The following GGA2 variants were observed in gnomAD, a reference collection of about 807,000 sequenced individuals.
GGA2 encodes the protein ADP-ribosylation factor-binding protein GGA2.
In GGA2, 48 loss-of-function variants were observed where a neutral mutation model predicts 79.5. The ratio of observed to expected loss-of-function variants is 0.60; its 90% confidence interval spans 0.48 to 0.77. The LOEUF (loss-of-function observed/expected upper bound fraction) is 0.77. Ranked by LOEUF, GGA2 falls within the 30% of genes least tolerant of loss-of-function variation. The probability of loss-of-function intolerance (pLI) is 0.00; values close to 1 mark genes in which losing one functional copy is unlikely to be tolerated. For missense variants in GGA2, 770 were observed against 774.0 expected, an observed-to-expected ratio of 0.99 and a Z score of 0.06; for synonymous variants, 317 against 302.0, an observed-to-expected ratio of 1.05 and a Z score of -0.51.
In GGA2 at chr16:23,479,891, G is replaced by T. The variant is rs1168532535; in HGVS notation, c.1007-4C>A. The stretch of plus-strand genomic sequence containing the variant: ...CAGCCTGCTGGATTCTGAAAGACTA[G>T]AAAGCCCAGGGTTAGGAAGAGAAGT... On this transcript the variant is annotated splice_region_variant and splice_polypyrimidine_tract_variant and intron_variant, in intron 10 of 16. Coordinates refer to ENST00000309859, the MANE Select transcript of GGA2 (RefSeq NM_015044.4). 6.2e-7 allele frequency: 1 copy of T among 1,613,958 alleles called. No homozygotes were observed.
At chr16:23,492,328 C>T (rs1284109153) in intron 4 of GGA2, among the ~76,000 whole-genome samples, 1 of 152,194 alleles carries the variant, frequency 6.6e-6, no homozygotes, top group Non-Finnish European at 1.5e-5. Flanking sequence ...GGTGCCCCCA[C>T]ATCCCCCCAC....
chr16:23,495,873 A>G lies in GGA2; in HGVS notation c.92-95T>C, dbSNP rs754130243. On this transcript the variant is annotated intron_variant, in intron 1 of 16. Transcript: ENST00000309859. ...GTGGCCAAGAGCTGTCTTATCACAGATCTACAGGATCAGACCAGTGGGCAG... is the reference window on the plus strand; with the variant it reads ...GTGGCCAAGAGCTGTCTTATCACAGGTCTACAGGATCAGACCAGTGGGCAG... 17 of 714,320 alleles carry G rather than the reference A, an allele frequency of 2.4e-5. No homozygotes were observed. In the Admixed American group the frequency reaches 2.7e-4, roughly 11 times the overall value. 44.2% of individuals were successfully genotyped at this position (714,320 alleles called of 1,614,324 possible). A position where few individuals can be genotyped will look rare whatever the true frequency, so the allele number is the denominator to read the frequency against.
At chr16:23,491,530 TAAAAA>T in intron 5 of GGA2, 142 bp downstream of exon 5, 36 of 299,110 alleles carry the variant, frequency 1.2e-4, no homozygotes, top group Non-Finnish European at 1.5e-4. Flanking sequence ...ATTTATTGCG[TAAAAA>T]AAAAAAAAAA....
chr16:23,489,779 G>A (rs1430720540), intron 5 of GGA2, among the ~76,000 whole-genome samples: 1 of 152,304 alleles, frequency 6.6e-6, no homozygotes, highest in East Asian at 1.9e-4. Flanking sequence ...CGAAAACAGC[G>A]GGAAGGCCTG....
upstream of GGA2, chr16:23,510,560 C>CCG (rs397727429): frequency 2.6e-6 from 1 of 389,394 alleles, no homozygotes; most frequent in Admixed American, 4.5e-5. Flanking sequence ...CAGGCCCCCC[C>CCG]TCCACGCGGG....
At chr16:23,481,080 C>T (rs1301704694) in intron 9 of GGA2, among the ~76,000 whole-genome samples, 1 of 152,214 alleles carries the variant, frequency 6.6e-6, no homozygotes, top group Non-Finnish European at 1.5e-5. Context: ...AACTTTAACT[C>T]AGAATCTGAA....
chr16:23,512,557 G>T (rs931439794), upstream of GGA2, among the ~76,000 whole-genome samples: 2 of 42,750 alleles, frequency 4.7e-5, no homozygotes, highest in African/African-American at 1.0e-4. Context: ...TACTGTTCTG[G>T]GAACACACAG....
At chr16:23,499,492 C>T (rs941512241) in intron 1 of GGA2, among the ~76,000 whole-genome samples, 3 of 152,106 alleles carry the variant, frequency 2.0e-5, no homozygotes, top group African/African-American at 4.8e-5. Context: ...GGTTAAATTA[C>T]GTTCCAAACC....
chr16:23,499,033 C>T (rs1457104518), intron 1 of GGA2, among the ~76,000 whole-genome samples: 5 of 152,104 alleles, frequency 3.3e-5, no homozygotes, highest in African/African-American at 1.2e-4. Context: ...AGGGAGAGAA[C>T]AGGAGAGGCA....
intron 9 of GGA2, among the ~76,000 whole-genome samples, chr16:23,481,342 C>T (rs1294552233): frequency 1.3e-5 from 2 of 152,130 alleles, no homozygotes; most frequent in Non-Finnish European, 2.9e-5. Flanking sequence ...CATTGCACTC[C>T]AGCCGGGGCA....
chr16:23,487,108 A>C (rs968128702), intron 6 of GGA2, among the ~76,000 whole-genome samples: 2 of 150,788 alleles, frequency 1.3e-5, no homozygotes, highest in Non-Finnish European at 2.9e-5. Flanking sequence ...CAGCCTCCCA[A>C]GTAGCTGGGA....
At chr16:23,513,455 C>T (rs1965085485), upstream of GGA2, among the ~76,000 whole-genome samples, 1 of 152,048 alleles carries the variant, frequency 6.6e-6, no homozygotes, top group African/African-American at 2.4e-5. Flanking sequence ...CATATTACTC[C>T]AGCCTTCCTT....
chr16:23,476,757 T>C (rs1210867949), intron 13 of GGA2, among the ~76,000 whole-genome samples: 1 of 152,186 alleles, frequency 6.6e-6, no homozygotes, highest in African/African-American at 2.4e-5. Context: ...TTGCACTTTG[T>C]TGTATGTTTC....
rs373473219 is a variant in GGA2 at position 23,491,747 on chromosome 16, G to A, written c.405C>T (p.Leu135=). ...GKVKGRVIEI[L]FSWTVWFPED... Reference sequence around the variant, plus strand: ...CCGGAAACCAGACTGTCCAACTGAAGAGTATTTCAATGACTCTTCCTTTAA... The same window carrying A: ...CCGGAAACCAGACTGTCCAACTGAAAAGTATTTCAATGACTCTTCCTTTAA... The change falls in exon 5 of 17, where the codon CTC becomes CTT. Residue 135 remains leucine, a synonymous_variant. Transcript: ENST00000309859. The A allele has an allele frequency of 1.0e-4, 164 of 1,611,184 alleles. No homozygotes were observed. The highest frequency in any genetic ancestry group is 8.3e-4 in the Middle Eastern group (5 of 6,056).
intron 8 of GGA2, 108 bp downstream of exon 8, chr16:23,485,907 A>G (rs1964705543): frequency 2.0e-6 from 2 of 999,662 alleles, no homozygotes; most frequent in Non-Finnish European, 3.0e-6. Flanking sequence ...GGTGTCAGAT[A>G]TGTTTACCGT....
At position 23,480,675 on chromosome 16, in the gene GGA2, T is replaced by C; in HGVS notation, c.976A>G (p.Ser326Gly). The change falls in exon 10 of 17, where the codon AGC (serine) becomes GGC (glycine). Residue 326 changes from serine to glycine, a missense_variant. By Grantham distance (56) the Ser-to-Gly change is moderately conservative (BLOSUM62 0). Transcript: ENST00000309859. ...GRVTFGNRVT[S>G]SLGDIPVSRV... ...GAGACAGGGATGTCTCCCAATGAGC[T>C]GGTCACTCTGTTTCCAAAGGTGACC... The C allele has an allele frequency of 6.2e-7, 1 of 1,613,532 alleles. No homozygotes were observed. Among genetic ancestry groups the C allele is most frequent in the Non-Finnish European group, 8.5e-7 (1 of 1,179,408 alleles).
At chr16:23,491,304 C>T (rs139134646) in intron 5 of GGA2, among the ~76,000 whole-genome samples, 2 of 73,888 alleles carry the variant, frequency 2.7e-5, no homozygotes, top group Admixed American at 3.7e-4. Context: ...AACACCTTGT[C>T]TCAAAAAAAA....
upstream of GGA2, among the ~76,000 whole-genome samples, chr16:23,515,229 T>C (rs923095544): frequency 6.6e-6 from 1 of 151,766 alleles, no homozygotes. Flanking sequence ...GAGGCTCAGA[T>C]AGGAAGATTG....
chr16:23,512,283 A>G (rs1965076008), upstream of GGA2, among the ~76,000 whole-genome samples: 1 of 152,194 alleles, frequency 6.6e-6, no homozygotes, highest in Non-Finnish European at 1.5e-5. Context: ...AGCAACCTCC[A>G]TCTGGCAACC....
Sources: gnomAD v4.1 joint callset for allele counts (sites outside exome capture counted in the v4.1 genomes callset) on GRCh38, gnomAD v4.1.1 for gene constraint, MANE v1.5 for transcripts, NCBI Gene and HGNC (gene_info 2026-07-23, HGNC 2026-07-21) for gene names.